Variants in UGCG observed in about 807,000 individuals in gnomAD.
UGCG encodes the protein UDP-glucose ceramide glucosyltransferase.
Under a neutral mutation model 49.5 loss-of-function variants are expected in UGCG, and 10 were observed. The observed-to-expected ratio is 0.20, with a 90% CI of 0.12 to 0.34. The LOEUF is 0.34. Ranked by LOEUF, UGCG falls within the 10% of genes least tolerant of loss-of-function variation. The probability of loss-of-function intolerance (pLI) is 1.00; values close to 1 mark genes in which losing one functional copy is unlikely to be tolerated. For synonymous variants in UGCG, 182 were observed against 158.2 expected (o/e 1.15, Z -1.13); for missense variants, 312 against 483.7 (o/e 0.65, Z 3.33).
chr9:111,934,018 T>C lies in UGCG; in HGVS notation c.*1021T>C, dbSNP rs558288623. On this transcript the variant is annotated 3_prime_UTR_variant, in exon 9 of 9. Coordinates refer to ENST00000374279, the MANE Select transcript of UGCG (RefSeq NM_003358.3). ...ATGATACAAGTATTTAATACCTTTT[T>C]TAAGTCAGTAAATATTCTAGCCATC... 1.3e-4 allele frequency: 20 copies of C among 152,194 alleles called. No homozygotes were observed. The highest frequency in any genetic ancestry group is 2.6e-4 in the Non-Finnish European group (18 of 68,040). The allele number at this position is 152,194 out of a possible 1,614,324, so 9.4% of individuals were successfully genotyped here.
At chr9:111,915,793 T>C (rs1239430742) in intron 2 of UGCG, 1 of 985,162 alleles carries the variant, frequency 1.0e-6, no homozygotes, top group Middle Eastern at 5.2e-4. Flanking sequence ...ATGAAAAGAA[T>C]AGAGAAGACA....
At chr9:111,904,213 C>A (rs34215541) in intron 1 of UGCG, among the ~76,000 whole-genome samples, 16,198 of 152,260 alleles carry the variant, frequency 0.11, 1,104 homozygotes, top group Middle Eastern at 0.18. Flanking sequence ...TCAGTCTGCC[C>A]TGTTATCTTG....
intron 6 of UGCG, among the ~76,000 whole-genome samples, chr9:111,930,272 A>G (rs541498612): frequency 9.8e-5 from 15 of 152,338 alleles, no homozygotes; most frequent in Admixed American, 5.9e-4. Context: ...AATTTTTACT[A>G]TATAGATACA....
intron 3 of UGCG, among the ~76,000 whole-genome samples, chr9:111,924,269 T>C (rs1278332458): frequency 6.6e-6 from 1 of 152,206 alleles, no homozygotes; most frequent in Non-Finnish European, 1.5e-5. Flanking sequence ...TTGAAATATA[T>C]ATATATGTAC....
At position 111,914,601 on chromosome 9, in the gene UGCG, T is replaced by G; in HGVS notation, c.99-4T>G. ...AAATAATTTTTATATCATTTGCTTTTTAGCCGATTACACCTCAACAAGAAG... is the reference window on the plus strand; with the variant it reads ...AAATAATTTTTATATCATTTGCTTTGTAGCCGATTACACCTCAACAAGAAG... On this transcript the variant is annotated splice_polypyrimidine_tract_variant and splice_region_variant and intron_variant, in intron 1 of 8. Coordinates refer to ENST00000374279, the MANE Select transcript of UGCG (RefSeq NM_003358.3). 6.2e-7 allele frequency: 1 copy of G among 1,612,574 alleles called. No individual in the cohort carries two copies. The highest frequency in any genetic ancestry group is 8.5e-7 in the Non-Finnish European group (1 of 1,179,530).
At chr9:111,928,764 A>G (rs890857955) in intron 5 of UGCG, among the ~76,000 whole-genome samples, 7 of 152,220 alleles carry the variant, frequency 4.6e-5, no homozygotes, top group Non-Finnish European at 5.9e-5. Context: ...TAGAAAAGGC[A>G]ACATATCTGA....
Position 111,933,019 on chromosome 9 carries a change from T to C in UGCG, c.*22T>C, listed in dbSNP as rs200653374. 6.8e-7 allele frequency: 1 copy of C among 1,468,270 alleles called. No individual in the cohort carries two copies. Among genetic ancestry groups the C allele is most frequent in the Non-Finnish European group, 9.0e-7 (1 of 1,105,574 alleles). The allele number at this position is 1,468,270 out of a possible 1,614,324, so 91.0% of individuals were successfully genotyped here. A position where few individuals can be genotyped will look rare whatever the true frequency, so the allele number is the denominator to read the frequency against. ...ATAACTACAGCTTTGTGACTGTATA[T>C]AAAGGAAAAAAGAGAAGTATTATAA... is the stretch of plus-strand genomic sequence containing the variant. On this transcript the variant is annotated 3_prime_UTR_variant, in exon 9 of 9. Transcript: ENST00000374279.
At chr9:111,900,892 T>A (rs1281524892) in intron 1 of UGCG, among the ~76,000 whole-genome samples, 1 of 152,198 alleles carries the variant, frequency 6.6e-6, no homozygotes, top group Non-Finnish European at 1.5e-5. Context: ...CAGTCCTCTC[T>A]GTTGCCCAGG....
chr9:111,904,659 G>C (rs1368635307), intron 1 of UGCG, among the ~76,000 whole-genome samples: 1 of 152,094 alleles, frequency 6.6e-6, no homozygotes, highest in African/African-American at 2.4e-5. Context: ...TCAGGAGTTT[G>C]AGACCAGCCT....
At chr9:111,914,191 A>C (rs79032350) in intron 1 of UGCG, among the ~76,000 whole-genome samples, 1,996 of 152,244 alleles carry the variant, frequency 0.013, 41 homozygotes, top group South Asian at 0.05. Context: ...TCATTTCTTC[A>C]CCATGTATTT....
intron 3 of UGCG, among the ~76,000 whole-genome samples, chr9:111,923,191 G>A (rs186401783): frequency 6.6e-6 from 1 of 152,074 alleles, no homozygotes; most frequent in Admixed American, 6.5e-5. Context: ...AGACATGAGG[G>A]TCTGTTATTT....
intron 1 of UGCG, 50 bp downstream of exon 1, chr9:111,897,363 A>T: frequency 6.8e-7 from 1 of 1,461,946 alleles, no homozygotes; most frequent in Non-Finnish European, 9.3e-7. Flanking sequence ...CGGGCCTCGG[A>T]GACAGGCGAG....
intron 1 of UGCG, among the ~76,000 whole-genome samples, chr9:111,908,563 A>C (rs983893456): frequency 6.6e-6 from 1 of 152,222 alleles, no homozygotes; most frequent in African/African-American, 2.4e-5. Context: ...TAATATGTAC[A>C]TTATGTATCA....
chr9:111,899,559 CTT>C (rs1017134324), intron 1 of UGCG, among the ~76,000 whole-genome samples: 2 of 152,040 alleles, frequency 1.3e-5, no homozygotes, highest in Non-Finnish European at 2.9e-5. Flanking sequence ...TGTTTTTTGT[CTT>C]TTAACTTTGT....
At chr9:111,922,800 T>G in intron 2 of UGCG, 49 bp from the exon 3 acceptor site, 1 of 1,378,226 alleles carries the variant, frequency 7.3e-7, no homozygotes, top group Non-Finnish European at 1.0e-6. Flanking sequence ...TGCTAGTAAG[T>G]GCTTATTTTT....
intron 1 of UGCG, among the ~76,000 whole-genome samples, chr9:111,905,626 G>A (rs996816774): frequency 6.6e-6 from 1 of 151,678 alleles, no homozygotes; most frequent in African/African-American, 2.4e-5. Context: ...GCTAATTTTT[G>A]TATTTTTAGT....
intron 3 of UGCG, among the ~76,000 whole-genome samples, chr9:111,924,413 T>A (rs1838281192): frequency 6.6e-6 from 1 of 152,228 alleles, no homozygotes; most frequent in Admixed American, 6.5e-5. Context: ...ACTTATACTT[T>A]ATTTGTGGTG....
chr9:111,917,909 G>A (rs1003301350), intron 2 of UGCG, among the ~76,000 whole-genome samples: 15 of 152,188 alleles, frequency 9.9e-5, no homozygotes, highest in East Asian at 1.9e-4. Context: ...AATAATCTGC[G>A]TCTAAAGTGG....
At chr9:111,926,858 A>C (rs930056280) in intron 5 of UGCG, among the ~76,000 whole-genome samples, 7 of 95,162 alleles carry the variant, frequency 7.4e-5, no homozygotes, top group East Asian at 3.2e-4. Flanking sequence ...CCCTCCCCCC[A>C]GCCTTTTTTT....
Sources: gnomAD v4.1 joint callset for allele counts (sites outside exome capture counted in the v4.1 genomes callset) on GRCh38, gnomAD v4.1.1 for gene constraint, MANE v1.5 for transcripts, NCBI Gene and HGNC (gene_info 2026-07-23, HGNC 2026-07-21) for gene names.